RCAN3: variants seen among roughly 807,000 people sequenced by gnomAD.
The protein encoded by RCAN3 is calcipressin-3.
A neutral mutation model predicts 21.9 loss-of-function variants in RCAN3; 19 were observed. That is an observed-to-expected ratio of 0.87 (90% CI 0.61 to 1.27). RCAN3 has a LOEUF of 1.27. RCAN3 is among the 50% of genes most tolerant of loss of function. RCAN3 has a pLI of 0.00. For missense variants in RCAN3, 240 were observed against 300.1 expected, an observed-to-expected ratio of 0.80 and a Z score of 1.48; for synonymous variants, 114 against 112.3, an observed-to-expected ratio of 1.01 and a Z score of -0.09.
At chr1:24,530,263 G>A (rs1649641658) in intron 2 of RCAN3, among the ~76,000 whole-genome samples, 1 of 150,166 alleles carries the variant, frequency 6.7e-6, no homozygotes, top group Non-Finnish European at 1.5e-5. Flanking sequence ...GCCGAGGCAG[G>A]AGGATTGCCT....
intron 1 of RCAN3, among the ~76,000 whole-genome samples, chr1:24,504,639 A>C (rs888718442): frequency 6.6e-6 from 1 of 152,234 alleles, no homozygotes; most frequent in Non-Finnish European, 1.5e-5. Context: ...GACTTAAAGC[A>C]TGAAAAATAG....
chr1:24,519,639 T>C (rs936773849), intron 2 of RCAN3, among the ~76,000 whole-genome samples: 8 of 152,298 alleles, frequency 5.3e-5, no homozygotes, highest in Non-Finnish European at 8.8e-5. Flanking sequence ...ATTATGGTGG[T>C]TGAGGGATAT....
Position 24,522,370 on chromosome 1 carries a change from T to C in RCAN3, c.195+7803T>C, listed in dbSNP as rs369341239. On this transcript the variant is annotated intron_variant, in intron 2 of 4. Transcript: ENST00000374395. The stretch of plus-strand genomic sequence containing the variant: ...GCCTGAACAAGGATGCTCAGCCTTA[T>C]TGATGCATGCACAGACTTGGAAGCA... 5.9e-5 allele frequency among the ~76,000 whole-genome samples: 9 copies of C among 152,322 alleles called. No individual in the cohort carries two copies. The East Asian group carries it at 1.2e-3, about 20-fold the overall frequency.
At chr1:24,529,697 C>G (rs1363017207) in intron 2 of RCAN3, among the ~76,000 whole-genome samples, 1 of 150,678 alleles carries the variant, frequency 6.6e-6, no homozygotes, top group Non-Finnish European at 1.5e-5. Flanking sequence ...ATTACAGGCG[C>G]CCACCACCAT....
rs1425506747 is a variant in RCAN3, at chr1:24,525,131, G to C, written c.196-6087G>C. 1.3e-5 allele frequency among the ~76,000 whole-genome samples: 2 copies of C among 152,054 alleles called. No homozygotes were observed. Among genetic ancestry groups the C allele is most frequent in the African/African-American group, 4.8e-5 (2 of 41,396 alleles). Reference sequence around the variant, plus strand: ...AGTGGAGCCATGGTGGATCCAGAAAGGTCAGGAAATACACACTTGGCTGCC... The same window carrying C: ...AGTGGAGCCATGGTGGATCCAGAAACGTCAGGAAATACACACTTGGCTGCC... On this transcript the variant is annotated intron_variant, in intron 2 of 4. Coordinates refer to ENST00000374395, the MANE Select transcript of RCAN3 (RefSeq NM_013441.4). The surrounding 1 kb of genome is among the most constrained non-coding windows in gnomAD (Gnocchi z 4.1).
At chr1:24,524,469 T>A (rs1189486467) in intron 2 of RCAN3, among the ~76,000 whole-genome samples, 2 of 152,246 alleles carry the variant, frequency 1.3e-5, no homozygotes, top group Non-Finnish European at 2.9e-5. Context: ...CCCAGAATTT[T>A]ACAAGTACTC....
intron 2 of RCAN3, among the ~76,000 whole-genome samples, chr1:24,524,828 G>GTTTT (rs5773091): frequency 1.2e-4 from 15 of 127,250 alleles, no homozygotes; most frequent in Non-Finnish European, 1.3e-4. Flanking sequence ...GTTTTCTTTT[G>GTTTT]TTTTTTTTTT....
chr1:24,515,867 G>T (rs536840801), intron 2 of RCAN3, among the ~76,000 whole-genome samples: 3 of 152,128 alleles, frequency 2.0e-5, no homozygotes, highest in African/African-American at 7.2e-5. Flanking sequence ...GAAAGTGGCC[G>T]GGCGTGGTGG....
intron 2 of RCAN3, among the ~76,000 whole-genome samples, chr1:24,517,170 A>G (rs1570458548): frequency 6.6e-6 from 1 of 151,246 alleles, no homozygotes; most frequent in South Asian, 2.1e-4. Context: ...GCTGGAGTGC[A>G]ATGGCGCAGT....
intron 2 of RCAN3, 42 bp downstream of exon 2, chr1:24,514,609 A>G: frequency 6.4e-7 from 1 of 1,571,442 alleles, no homozygotes; most frequent in Non-Finnish European, 8.7e-7. Context: ...GTAGCATGTT[A>G]AATGTGTATG....
At chr1:24,511,720 C>T (rs1647901327) in intron 1 of RCAN3, among the ~76,000 whole-genome samples, 1 of 152,248 alleles carries the variant, frequency 6.6e-6, no homozygotes, top group Admixed American at 6.5e-5. Context: ...GAAGTGAGCA[C>T]ATCCCGTTTG....
chr1:24,529,675 C>T lies in RCAN3; in HGVS notation c.196-1543C>T, dbSNP rs561675007. Among the ~76,000 whole-genome samples, 53 of 150,802 alleles carry T rather than the reference C, an allele frequency of 3.5e-4. 1 individual carries two copies. Among genetic ancestry groups the T allele is most frequent in the African/African-American group, 1.1e-3 (47 of 41,198 alleles). ...GAGCAATTCTCCCATCTCAGCCTCC[C>T]GAGTAGCTGGGATTACAGGCGCCCA... is the stretch of plus-strand genomic sequence containing the variant. On this transcript the variant is annotated intron_variant, in intron 2 of 4. Coordinates refer to ENST00000374395, the MANE Select transcript of RCAN3 (RefSeq NM_013441.4).
Position 24,540,786 on chromosome 1 carries a change from T to A in RCAN3, c.*5509T>A, listed in dbSNP as rs187656068. 6.6e-6 allele frequency: 1 copy of A among 152,208 alleles called. No individual in the cohort carries two copies. The highest frequency in any genetic ancestry group is 1.5e-5 in the Non-Finnish European group (1 of 68,026). The allele number at this position is 152,208 out of a possible 1,614,324, so 9.4% of individuals were successfully genotyped here. A position where few individuals can be genotyped will look rare whatever the true frequency, so the allele number is the denominator to read the frequency against. ...TATATAAGCTGTAGTGCATACTCTT[T>A]GTATTGCAAAAAACTGGTCAGTAAT... On this transcript the variant is annotated 3_prime_UTR_variant, in exon 5 of 5. Transcript: ENST00000374395.
chr1:24,519,177 C>G lies in RCAN3; in HGVS notation c.195+4610C>G, dbSNP rs1648584755. 2.0e-5 allele frequency among the ~76,000 whole-genome samples: 3 copies of G among 150,946 alleles called. No homozygotes were observed. The South Asian group carries it at 6.3e-4, about 32-fold the overall frequency. On this transcript the variant is annotated intron_variant, in intron 2 of 4. Transcript: ENST00000374395. Reference sequence around the variant, plus strand: ...CTGCCCATCTCAGCCTCCCAAAGTGCTGTTATTACAGGCGTGAGCCACTGT... The same window carrying G: ...CTGCCCATCTCAGCCTCCCAAAGTGGTGTTATTACAGGCGTGAGCCACTGT...
intron 1 of RCAN3, among the ~76,000 whole-genome samples, chr1:24,504,218 C>T (rs866513046): frequency 9.8e-5 from 15 of 152,320 alleles, no homozygotes; most frequent in Middle Eastern, 3.4e-3. Flanking sequence ...GACAAGGCCT[C>T]GCTCTGTCAT....
At chr1:24,529,623 T>C (rs1649586726) in intron 2 of RCAN3, among the ~76,000 whole-genome samples, 1 of 146,606 alleles carries the variant, frequency 6.8e-6, no homozygotes, top group Non-Finnish European at 1.5e-5. Flanking sequence ...GGATCTTGGC[T>C]CACTGCAACC....
At chr1:24,511,083 G>C (rs766210276) in intron 1 of RCAN3, among the ~76,000 whole-genome samples, 12 of 152,282 alleles carry the variant, frequency 7.9e-5, no homozygotes, top group Middle Eastern at 3.4e-3. Flanking sequence ...GGAGGCCGAG[G>C]TGGGCAGATC....
intron 1 of RCAN3, among the ~76,000 whole-genome samples, chr1:24,511,172 G>A (rs923900826): frequency 2.0e-5 from 3 of 152,180 alleles, no homozygotes; most frequent in Non-Finnish European, 4.4e-5. Flanking sequence ...AATTAGCTGG[G>A]CATGGTGGCG....
chr1:24,529,550 CTTTT>C (rs35257073), intron 2 of RCAN3, among the ~76,000 whole-genome samples: 2 of 89,532 alleles, frequency 2.2e-5, no homozygotes, highest in Admixed American at 1.1e-4. Context: ...CTCTGTCTCT[CTTTT>C]TTTTTTTTTT....
Sources: gnomAD v4.1 joint callset for allele counts (sites outside exome capture counted in the v4.1 genomes callset) on GRCh38, gnomAD v4.1.1 for gene constraint, Gnocchi (gnomAD v3.1) non-coding constraint, MANE v1.5 for transcripts, NCBI Gene and HGNC (gene_info 2026-07-23, HGNC 2026-07-21) for gene names.